ADAMTS18: variants seen among roughly 807,000 people sequenced by gnomAD.
The protein encoded by ADAMTS18 is A disintegrin and metalloproteinase with thrombospondin motifs 18.
Under a neutral mutation model 165.9 loss-of-function variants are expected in ADAMTS18, and 157 were observed. That is an observed-to-expected ratio of 0.95 (90% CI 0.83 to 1.08). The LOEUF (loss-of-function observed/expected upper bound fraction) is 1.08. Among genes scored for constraint, ADAMTS18 ranks in the 50% least tolerant of loss-of-function variants. The pLI, the probability that ADAMTS18 is intolerant of heterozygous loss-of-function variation, is 0.00. For synonymous variants in ADAMTS18, 782 were observed against 578.2 expected (o/e 1.35, Z -5.06); for missense variants, 2,040 against 1,534.0 (o/e 1.33, Z -5.51).
At chr16:77,391,730 C>A (rs2057190307) in intron 3 of ADAMTS18, among the ~76,000 whole-genome samples, 1 of 152,096 alleles carries the variant, frequency 6.6e-6, no homozygotes, top group African/African-American at 2.4e-5. Flanking sequence ...ACAAGAACTA[C>A]AACTCTACTC....
At chr16:77,392,053 A>G (rs374574853) in intron 3 of ADAMTS18, among the ~76,000 whole-genome samples, 3 of 151,560 alleles carry the variant, frequency 2.0e-5, no homozygotes, top group Non-Finnish European at 4.4e-5. Flanking sequence ...GTCATTGTGC[A>G]GAAAAATCGA....
chr16:77,321,286 GTATTTAC>G (rs2055994345), intron 14 of ADAMTS18, 84 bp from the exon 15 acceptor site: 2 of 1,553,594 alleles, frequency 1.3e-6, no homozygotes, highest in African/African-American at 2.7e-5. Flanking sequence ...ATGGTTCTCT[GTATTTAC>G]AGAACATTAG....
intron 22 of ADAMTS18, among the ~76,000 whole-genome samples, 184 bp downstream of exon 22, chr16:77,289,080 A>C (rs1340174618): frequency 6.6e-6 from 1 of 152,182 alleles, no homozygotes; most frequent in Non-Finnish European, 1.5e-5. Flanking sequence ...GAAAAAGATT[A>C]TTTGGACAGC....
At chr16:77,286,381 A>T (rs2144549478) in intron 22 of ADAMTS18, among the ~76,000 whole-genome samples, 1 of 152,264 alleles carries the variant, frequency 6.6e-6, no homozygotes, top group East Asian at 1.9e-4. Context: ...TTTTGAAGCA[A>T]GCTTGTCAGA....
At chr16:77,359,102 G>A (rs2056673128) in intron 8 of ADAMTS18, among the ~76,000 whole-genome samples, 1 of 152,172 alleles carries the variant, frequency 6.6e-6, no homozygotes, top group African/African-American at 2.4e-5. Context: ...TGCACACGAA[G>A]GAGTACTGTG....
At chr16:77,295,165 CTT>C (rs757330494) in intron 18 of ADAMTS18, 38 bp from the exon 19 acceptor site, 4 of 1,610,012 alleles carry the variant, frequency 2.5e-6, no homozygotes, top group Non-Finnish European at 3.4e-6. Flanking sequence ...TGAAGCCAAA[CTT>C]TGTATGATAA....
chr16:77,419,301 T>A (rs184187930), intron 3 of ADAMTS18, among the ~76,000 whole-genome samples: 1 of 152,274 alleles, frequency 6.6e-6, no homozygotes, highest in East Asian at 1.9e-4. Flanking sequence ...CTAAGCTCAC[T>A]CAGGCTGTTG....
intron 3 of ADAMTS18, among the ~76,000 whole-genome samples, chr16:77,382,889 T>G (rs1367408746): frequency 6.6e-6 from 1 of 152,174 alleles, no homozygotes; most frequent in Non-Finnish European, 1.5e-5. Context: ...GTCAGCATCC[T>G]TGGAAAGCGG....
Position 77,427,929 on chromosome 16 carries a change from A to T in ADAMTS18, c.495+3366T>A, listed in dbSNP as rs549920854. 2.0e-5 allele frequency among the ~76,000 whole-genome samples: 3 copies of T among 152,370 alleles called. No homozygotes were observed. In the South Asian group the frequency reaches 6.2e-4, roughly 32 times the overall value. Reference sequence around the variant, plus strand: ...TGTCTGCTTATATGTATGTACGTACATACGTATTCACTATTATAACCATTC... The same window carrying T: ...TGTCTGCTTATATGTATGTACGTACTTACGTATTCACTATTATAACCATTC... On this transcript the variant is annotated intron_variant, in intron 3 of 22. Transcript: ENST00000282849.
chr16:77,361,947 A>G (rs955831124), intron 7 of ADAMTS18, among the ~76,000 whole-genome samples, 158 bp downstream of exon 7: 1 of 152,252 alleles, frequency 6.6e-6, no homozygotes, highest in African/African-American at 2.4e-5. Context: ...GTTCAGTTAA[A>G]AAGAACAATA....
intron 3 of ADAMTS18, among the ~76,000 whole-genome samples, chr16:77,425,267 A>C (rs903195573): frequency 6.6e-6 from 1 of 152,194 alleles, no homozygotes; most frequent in Non-Finnish European, 1.5e-5. Flanking sequence ...GGGGACAAAG[A>C]AAAGAGAAAC....
chr16:77,362,034 T>C, intron 7 of ADAMTS18, 71 bp downstream of exon 7: 1 of 1,522,038 alleles, frequency 6.6e-7, no homozygotes, highest in Non-Finnish European at 9.1e-7. Context: ...GGGCTATCCA[T>C]CATCCATAGA....
At chr16:77,306,511 A>T (rs1266694206) in intron 16 of ADAMTS18, among the ~76,000 whole-genome samples, 1 of 152,210 alleles carries the variant, frequency 6.6e-6, no homozygotes, top group African/African-American at 2.4e-5. Flanking sequence ...AAAACTTTTT[A>T]AAATTCCTTC....
intron 4 of ADAMTS18, among the ~76,000 whole-genome samples, chr16:77,364,797 G>GA (rs1567515546): frequency 0.013 from 1,970 of 148,570 alleles, 46 homozygotes; most frequent in African/African-American, 0.048. Flanking sequence ...CAAAGCAAAG[G>GA]AAAGAAAAGA....
chr16:77,316,494 C>A (rs12596175), intron 16 of ADAMTS18, among the ~76,000 whole-genome samples: 14,998 of 152,134 alleles, frequency 0.099, 1,005 homozygotes, highest in East Asian at 0.27. Flanking sequence ...TCTTCCTTGA[C>A]ATCCTGATGT....
intron 15 of ADAMTS18, among the ~76,000 whole-genome samples, chr16:77,320,742 T>A (rs1271911831): frequency 1.3e-5 from 2 of 152,212 alleles, no homozygotes; most frequent in Non-Finnish European, 2.9e-5. Flanking sequence ...CATATTTAGA[T>A]AACTGCTTCA....
intron 7 of ADAMTS18, among the ~76,000 whole-genome samples, chr16:77,361,889 T>TAAA (rs34606614): frequency 5.4e-4 from 82 of 150,606 alleles, no homozygotes; most frequent in African/African-American, 8.3e-4. Flanking sequence ...CATCTCAAAT[T>TAAA]AAAAAAAATA....
intron 3 of ADAMTS18, among the ~76,000 whole-genome samples, chr16:77,408,018 C>A (rs936044263): frequency 2.0e-5 from 3 of 151,764 alleles, no homozygotes; most frequent in Admixed American, 6.6e-5. Flanking sequence ...CAAAGAGATG[C>A]CATACCCAGA....
At chr16:77,323,159 C>G (rs2144644715) in intron 13 of ADAMTS18, among the ~76,000 whole-genome samples, 1 of 152,234 alleles carries the variant, frequency 6.6e-6, no homozygotes, top group South Asian at 2.1e-4. Flanking sequence ...CTCTTGTTAT[C>G]AGAAAGGAGT....
Sources: allele counts gnomAD v4.1 joint callset (sites outside exome capture counted in the v4.1 genomes callset), GRCh38; gene constraint gnomAD v4.1.1; transcripts MANE v1.5; gene names NCBI Gene and HGNC (gene_info 2026-07-23, HGNC 2026-07-21).